The following CNR2 variants were observed in gnomAD, a reference collection of about 807,000 sequenced individuals.
CNR2 encodes cannabinoid receptor 2, also known as cannabinoid receptor 2 (macrophage).
For synonymous variants in CNR2, 172 were observed against 182.2 expected (o/e 0.94, Z 0.45); for missense variants, 379 against 439.9 (o/e 0.86, Z 1.24).
At chr1:23,908,606 T>G (rs2148472118) in intron 1 of CNR2, among the ~76,000 whole-genome samples, 1 of 152,334 alleles carries the variant, frequency 6.6e-6, no homozygotes, top group African/African-American at 2.4e-5. Context: ...GAAGACAGAC[T>G]TGGGTTTGAC....
chr1:23,910,654 C>CAAAAAAAAAAAAAAAAAAAAAAAAA (rs34083515), intron 1 of CNR2, among the ~76,000 whole-genome samples: 1 of 32,192 alleles, frequency 3.1e-5, no homozygotes, highest in Admixed American at 4.6e-4. Flanking sequence ...AACGCTGTCT[C>CAAAAAAAAAAAAAAAAAAAAAAAAA]AAAAAAAAAA....
chr1:23,891,651 C>T (rs1025326256), intron 1 of CNR2, among the ~76,000 whole-genome samples: 18 of 148,742 alleles, frequency 1.2e-4, no homozygotes, highest in Admixed American at 3.4e-4. Flanking sequence ...CCAAATCTTA[C>T]CTCTTTTTAT....
chr1:23,896,276 G>A (rs1190088441), intron 1 of CNR2, among the ~76,000 whole-genome samples: 1 of 152,214 alleles, frequency 6.6e-6, no homozygotes, highest in Non-Finnish European at 1.5e-5. Context: ...ATAGCACTGA[G>A]TTCCGATCTT....
At chr1:23,908,509 A>G (rs565864662) in intron 1 of CNR2, among the ~76,000 whole-genome samples, 2 of 152,272 alleles carry the variant, frequency 1.3e-5, no homozygotes, top group Admixed American at 1.3e-4. Context: ...TTTTAAAAAA[A>G]TGGAAACAGG....
At chr1:23,899,513 A>C (rs1640345074) in intron 1 of CNR2, among the ~76,000 whole-genome samples, 1 of 151,798 alleles carries the variant, frequency 6.6e-6, no homozygotes, top group African/African-American at 2.4e-5. Flanking sequence ...ATTAGGCACA[A>C]GATTAGAAAT....
intron 1 of CNR2, among the ~76,000 whole-genome samples, chr1:23,905,330 G>A (rs1342500555): frequency 6.6e-6 from 1 of 151,010 alleles, no homozygotes; most frequent in Non-Finnish European, 1.5e-5. Context: ...ACAGGTACCC[G>A]ACACCACGCC....
chr1:23,896,668 G>A (rs1280215230), intron 1 of CNR2, among the ~76,000 whole-genome samples: 1 of 152,188 alleles, frequency 6.6e-6, no homozygotes, highest in Non-Finnish European at 1.5e-5. Context: ...GGAAAGCAGA[G>A]GGGGAAGACC....
Position 23,902,296 on chromosome 1 carries a change from G to A in CNR2, c.-46+10950C>T, listed in dbSNP as rs552804717. ...TGGGACCGCAGGGCCATCTCGGCCT[G>A]TGCGTCGATGACCTCCCAGCAGCGC... On this transcript the variant is annotated intron_variant, in intron 1 of 1. Transcript: ENST00000374472. 5 of 1,508,570 alleles carry A rather than the reference G, an allele frequency of 3.3e-6. No individual in the cohort carries two copies. In the African/African-American group the frequency reaches 5.5e-5, roughly 17 times the overall value. 93.4% of individuals were successfully genotyped at this position (1,508,570 alleles called of 1,614,324 possible). A position where few individuals can be genotyped will look rare whatever the true frequency, so the allele number is the denominator to read the frequency against.
rs1009067225 is a variant in CNR2, at chr1:23,870,904, G to C, written c.*3631C>G. Reference sequence around the variant, plus strand: ...GTGGTGGCTCACACCTGTAATCCTAGCACTTTGGGAGGCTAAGGTGGGTGG... The same window carrying C: ...GTGGTGGCTCACACCTGTAATCCTACCACTTTGGGAGGCTAAGGTGGGTGG... On this transcript the variant is annotated 3_prime_UTR_variant, in exon 2 of 2. Coordinates refer to ENST00000374472, the MANE Select transcript of CNR2 (RefSeq NM_001841.3). 3.3e-5 allele frequency: 5 copies of C among 152,238 alleles called. No individual in the cohort carries two copies. Among genetic ancestry groups the C allele is most frequent in the Non-Finnish European group, 7.3e-5 (5 of 68,090 alleles). 9.4% of individuals were successfully genotyped at this position (152,238 alleles called of 1,614,324 possible). A position where few individuals can be genotyped will look rare whatever the true frequency, so the allele number is the denominator to read the frequency against.
chr1:23,886,272 T>G (rs1640087870), intron 1 of CNR2, among the ~76,000 whole-genome samples: 1 of 152,054 alleles, frequency 6.6e-6, no homozygotes, highest in Non-Finnish European at 1.5e-5. Flanking sequence ...CCAACGACTT[T>G]AAAATTTTTA....
chr1:23,902,890 G>A (rs906113537), intron 1 of CNR2, among the ~76,000 whole-genome samples: 4 of 150,996 alleles, frequency 2.6e-5, no homozygotes, highest in Non-Finnish European at 3.0e-5. Flanking sequence ...CCGCGGCGCT[G>A]GCGGGGACGT....
At chr1:23,911,264 G>A (rs1640578820) in intron 1 of CNR2, among the ~76,000 whole-genome samples, 1 of 152,018 alleles carries the variant, frequency 6.6e-6, no homozygotes, top group Admixed American at 6.6e-5. Context: ...CCTAGAATTT[G>A]CTTTCTGGGA....
rs576373063 is a variant in CNR2, at chr1:23,901,852, G to A, written c.-46+11394C>T. ...CCCTTCTGTCCACTGCAAACTGGAT[G>A]CTGTCGCAGCGCCCGCAGTACTGGC... On this transcript the variant is annotated intron_variant, in intron 1 of 1. Transcript: ENST00000374472. The A allele has an allele frequency of 4.2e-5, 68 of 1,609,398 alleles. No homozygotes were observed. The Admixed American group carries it at 4.3e-4, about 10-fold the overall frequency.
intron 1 of CNR2, chr1:23,901,709 G>T (rs1247231089): frequency 1.4e-6 from 2 of 1,417,422 alleles, no homozygotes; most frequent in Non-Finnish European, 2.0e-6. Flanking sequence ...GGATCTGTCC[G>T]ACATGAATTT....
chr1:23,891,684 ACCT>A (rs2148465085), intron 1 of CNR2, among the ~76,000 whole-genome samples: 1 of 150,266 alleles, frequency 6.7e-6, no homozygotes, highest in East Asian at 2.0e-4. Flanking sequence ...AGCAAAACCC[ACCT>A]CCTCCAAGAA....
At chr1:23,912,543 G>C (rs1384655854) in intron 1 of CNR2, among the ~76,000 whole-genome samples, 1 of 152,250 alleles carries the variant, frequency 6.6e-6, no homozygotes, top group Non-Finnish European at 1.5e-5. Context: ...ATGATTTCAG[G>C]TGGGTCACCT....
intron 1 of CNR2, among the ~76,000 whole-genome samples, chr1:23,905,190 CT>C (rs1199647705): frequency 3.4e-3 from 484 of 143,092 alleles, no homozygotes; most frequent in Non-Finnish European, 4.5e-3. Flanking sequence ...TCTTTTCTTT[CT>C]TTTTTTTTTT....
At chr1:23,906,671 C>T (rs1406211002) in intron 1 of CNR2, among the ~76,000 whole-genome samples, 14 of 151,058 alleles carry the variant, frequency 9.3e-5, no homozygotes, top group African/African-American at 1.9e-4. Flanking sequence ...CGTGAGCCAC[C>T]GCACCCGGCC....
intron 1 of CNR2, among the ~76,000 whole-genome samples, chr1:23,885,282 A>T (rs1006639778): frequency 5.3e-5 from 8 of 150,694 alleles, no homozygotes; most frequent in African/African-American, 2.0e-4. Context: ...AAAAAAAAAA[A>T]GCTATTAATT....
Sources: allele counts gnomAD v4.1 joint callset (sites outside exome capture counted in the v4.1 genomes callset), GRCh38; gene constraint gnomAD v4.1.1; transcripts MANE v1.5; gene names NCBI Gene and HGNC (gene_info 2026-07-23, HGNC 2026-07-21).